Variants in HGF observed in about 807,000 individuals in gnomAD.
HGF encodes the protein fibroblast-derived tumor cytotoxic factor.
HGF carries 39 observed loss-of-function variants against 111.6 expected under a neutral mutation model. The observed-to-expected ratio is 0.35, with a 90% CI of 0.27 to 0.46. The LOEUF (loss-of-function observed/expected upper bound fraction) is 0.46, where lower values mean the gene tolerates loss of function less well. HGF is among the 20% of genes least tolerant of loss of function. The probability of loss-of-function intolerance (pLI) is 1.00; values close to 1 mark genes in which losing one functional copy is unlikely to be tolerated. For synonymous variants in HGF, 285 were observed against 294.8 expected, an observed-to-expected ratio of 0.97 and a Z score of 0.34; for missense variants, 735 against 910.5, an observed-to-expected ratio of 0.81 and a Z score of 2.48.
At chr7:81,757,024 T>A (rs1788808167) in intron 4 of HGF, 165 bp downstream of exon 4, 1 of 624,864 alleles carries the variant, frequency 1.6e-6, no homozygotes, top group African/African-American at 1.8e-5. Flanking sequence ...TAATTAATCA[T>A]TTGCTAAATA....
intron 1 of HGF, among the ~76,000 whole-genome samples, chr7:81,769,371 A>G (rs1414643705): frequency 6.6e-6 from 1 of 152,230 alleles, no homozygotes; most frequent in Non-Finnish European, 1.5e-5. Flanking sequence ...ATATGCAAAT[A>G]CTCAGAGTTT....
In HGF at chr7:81,706,281, A is replaced by G. The variant is rs373049064; in HGVS notation, c.1757+6T>C. 6.8e-6 allele frequency: 11 copies of G among 1,612,208 alleles called. No homozygotes were observed. The highest frequency in any genetic ancestry group is 9.3e-6 in the Non-Finnish European group (11 of 1,178,750). On this transcript the variant is annotated splice_donor_region_variant and intron_variant, in intron 15 of 17. Coordinates refer to ENST00000222390, the MANE Select transcript of HGF (RefSeq NM_000601.6). ...GAAAAATACAAAATCTTCTAAAGTA[A>G]CTAACCTGGCAAGCTTCATTAAAAC... is the stretch of plus-strand genomic sequence containing the variant.
intron 11 of HGF, among the ~76,000 whole-genome samples, chr7:81,712,013 G>A (rs547858525): frequency 1.6e-3 from 249 of 152,142 alleles, no homozygotes; most frequent in Middle Eastern, 6.8e-3. Flanking sequence ...TATACATCAC[G>A]TTTACTGGAT....
chr7:81,769,136 G>A (rs1023299038), intron 1 of HGF, among the ~76,000 whole-genome samples: 2 of 151,930 alleles, frequency 1.3e-5, no homozygotes, highest in African/African-American at 2.4e-5. Flanking sequence ...CTGATAACAA[G>A]AGAAACTTCC....
intron 11 of HGF, among the ~76,000 whole-genome samples, chr7:81,712,958 C>G (rs1324569108): frequency 6.6e-6 from 1 of 152,134 alleles, no homozygotes; most frequent in Non-Finnish European, 1.5e-5. Context: ...GAGGGTTTGT[C>G]AGTCAGCTGA....
At chr7:81,724,245 G>T (rs115986249) in intron 9 of HGF, among the ~76,000 whole-genome samples, 1,607 of 152,182 alleles carry the variant, frequency 0.011, 31 homozygotes, top group African/African-American at 0.035. Context: ...ATCCTTAAAG[G>T]AACAGTGAAA....
chr7:81,717,189 A>C (rs752010651), intron 11 of HGF, 43 bp downstream of exon 11: 2 of 1,589,912 alleles, frequency 1.3e-6, no homozygotes, highest in Non-Finnish European at 1.7e-6. Flanking sequence ...AATGTAGTAC[A>C]TTTAAAATAT....
At chr7:81,742,881 A>G in intron 7 of HGF, 1 of 1,610,324 alleles carries the variant, frequency 6.2e-7, no homozygotes, top group Non-Finnish European at 8.5e-7. Context: ...TAGACTCATT[A>G]TTCTTCACTG....
intron 8 of HGF, among the ~76,000 whole-genome samples, chr7:81,726,542 T>C (rs1391123140): frequency 6.6e-6 from 1 of 152,208 alleles, no homozygotes; most frequent in Non-Finnish European, 1.5e-5. Context: ...TGCATTTCTT[T>C]GATTTATTTA....
chr7:81,752,837 C>T (rs985220379), intron 4 of HGF, among the ~76,000 whole-genome samples: 1 of 152,064 alleles, frequency 6.6e-6, no homozygotes, highest in Non-Finnish European at 1.5e-5. Context: ...AGTAATTTAG[C>T]TTCTCTCAGC....
intron 1 of HGF, among the ~76,000 whole-genome samples, chr7:81,769,015 T>C (rs1240237520): frequency 6.6e-6 from 1 of 152,078 alleles, no homozygotes; most frequent in Non-Finnish European, 1.5e-5. Context: ...ATCTGGGCAT[T>C]TGTTCCCACT....
In HGF at chr7:81,754,259, T is replaced by C. The variant is rs185912508; in HGVS notation, c.483-1997A>G. Among the ~76,000 whole-genome samples the C allele has an allele frequency of 3.0e-3, 450 of 152,142 alleles. 3 individuals are homozygous for C. The highest frequency in any genetic ancestry group is 6.8e-3 in the Middle Eastern group (2 of 294). ...ACGAACTATAATTTCCCTTTTTCTA[T>C]ATCATTTTATATATTAAGATTATTT... On this transcript the variant is annotated intron_variant, in intron 4 of 17. Transcript: ENST00000222390.
intron 5 of HGF, among the ~76,000 whole-genome samples, chr7:81,747,406 T>C (rs78523321): frequency 0.048 from 7,277 of 152,198 alleles, 630 homozygotes; most frequent in African/African-American, 0.17. Context: ...TAGATTTTAC[T>C]AGGATCTTGA....
chr7:81,700,645 G>T lies in HGF; in HGVS notation c.*1936C>A, dbSNP rs1296178325. The T allele has an allele frequency of 1.3e-5, 2 of 151,124 alleles. No individual in the cohort carries two copies. The highest frequency in any genetic ancestry group is 4.9e-5 in the African/African-American group (2 of 41,148). The allele number at this position is 151,124 out of a possible 1,614,324, so 9.4% of individuals were successfully genotyped here. A position where few individuals can be genotyped will look rare whatever the true frequency, so the allele number is the denominator to read the frequency against. ...ACTATGAAATATACTTTATATTTTG[G>T]CAATATGCTCTTGAAATTTCTAGGA... On this transcript the variant is annotated 3_prime_UTR_variant, in exon 18 of 18. Coordinates refer to ENST00000222390, the MANE Select transcript of HGF (RefSeq NM_000601.6).
intron 17 of HGF, among the ~76,000 whole-genome samples, chr7:81,703,737 A>C (rs1433844060): frequency 6.6e-6 from 1 of 151,574 alleles, no homozygotes; most frequent in African/African-American, 2.4e-5. Flanking sequence ...GAACTACCTT[A>C]ATTTTCCCTA....
At chr7:81,727,048 T>G (rs377192519) in intron 8 of HGF, among the ~76,000 whole-genome samples, 95 of 60,748 alleles carry the variant, frequency 1.6e-3, no homozygotes, top group Admixed American at 3.6e-3. Flanking sequence ...GTTTTTTTTT[T>G]GTTTTTTTTT....
rs1406577177 is a variant in HGF at position 81,702,058 on chromosome 7, A to C, written c.*523T>G. The C allele has an allele frequency of 5.4e-6, 1 of 184,840 alleles. No homozygotes were observed. Among genetic ancestry groups the C allele is most frequent in the Non-Finnish European group, 1.1e-5 (1 of 87,890 alleles). The allele number at this position is 184,840 out of a possible 1,614,324, so 11.4% of individuals were successfully genotyped here. A position where few individuals can be genotyped will look rare whatever the true frequency, so the allele number is the denominator to read the frequency against. On this transcript the variant is annotated 3_prime_UTR_variant, in exon 18 of 18. Coordinates refer to ENST00000222390, the MANE Select transcript of HGF (RefSeq NM_000601.6). ...TACATGGGTATGTGGTTTTGTAAAA[A>C]GTGTGTTCGTGTACCAGTATTGCAG...
chr7:81,755,863 G>A (rs1788741095), intron 4 of HGF: 2 of 563,424 alleles, frequency 3.5e-6, no homozygotes, highest in South Asian at 4.6e-5. Flanking sequence ...TTGTAGAGAT[G>A]ATCAGCTTGG....
At chr7:81,715,754 C>A (rs185804744) in intron 11 of HGF, among the ~76,000 whole-genome samples, 1,693 of 152,196 alleles carry the variant, frequency 0.011, 34 homozygotes, top group African/African-American at 0.037. Flanking sequence ...TAGAAAAACA[C>A]AGACTTCTGT....
Sources: gnomAD v4.1 joint callset for allele counts (sites outside exome capture counted in the v4.1 genomes callset) on GRCh38, gnomAD v4.1.1 for gene constraint, MANE v1.5 for transcripts, NCBI Gene and HGNC (gene_info 2026-07-23, HGNC 2026-07-21) for gene names.